The following BMP5 variants were observed in gnomAD, a reference collection of about 807,000 sequenced individuals.
BMP5 encodes the protein bone morphogenetic protein 5.
In BMP5, 23 loss-of-function variants were observed where a neutral mutation model predicts 46.6. The ratio of observed to expected loss-of-function variants is 0.49; its 90% CI spans 0.35 to 0.70. BMP5 has a LOEUF of 0.70. Ranked by LOEUF, BMP5 falls within the 30% of genes least tolerant of loss-of-function variation. BMP5 has a pLI of 0.00. For missense variants in BMP5, 545 were observed against 565.6 expected (o/e 0.96, Z 0.37); for synonymous variants, 204 against 191.9 (o/e 1.06, Z -0.52).
chr6:55,770,122 G>A (rs1299333944), intron 4 of BMP5, among the ~76,000 whole-genome samples: 1 of 151,856 alleles, frequency 6.6e-6, no homozygotes. Flanking sequence ...GAGTCAGATT[G>A]TCAGAAGATT....
At chr6:55,855,519 AT>A (rs1351764777) in intron 1 of BMP5, among the ~76,000 whole-genome samples, 69 of 152,184 alleles carry the variant, frequency 4.5e-4, no homozygotes, top group African/African-American at 1.6e-3. Flanking sequence ...TTCTATTTTT[AT>A]TAAGTTTACC....
chr6:55,797,227 A>T (rs1775737049), intron 2 of BMP5, among the ~76,000 whole-genome samples: 1 of 152,176 alleles, frequency 6.6e-6, no homozygotes, highest in Non-Finnish European at 1.5e-5. Context: ...ATTTATTTTG[A>T]AGTATAAAAT....
intron 1 of BMP5, among the ~76,000 whole-genome samples, chr6:55,854,989 T>C (rs988084355): frequency 6.6e-6 from 1 of 152,148 alleles, no homozygotes; most frequent in Non-Finnish European, 1.5e-5. Context: ...GACCAATTTA[T>C]GTAGCATTTG....
intron 3 of BMP5, among the ~76,000 whole-genome samples, chr6:55,791,118 A>C (rs559598339): frequency 6.6e-6 from 1 of 152,330 alleles, no homozygotes; most frequent in East Asian, 1.9e-4. Flanking sequence ...TATTACTGAA[A>C]ATAAAAGATG....
chr6:55,780,567 T>C (rs1775292474), intron 3 of BMP5, among the ~76,000 whole-genome samples: 3 of 151,502 alleles, frequency 2.0e-5, no homozygotes, highest in Non-Finnish European at 2.9e-5. Flanking sequence ...GATTTGGGTA[T>C]GTTAGGGATA....
chr6:55,846,442 G>T (rs921284547), intron 1 of BMP5, among the ~76,000 whole-genome samples: 2 of 151,904 alleles, frequency 1.3e-5, no homozygotes, highest in African/African-American at 4.8e-5. Flanking sequence ...TAGAAAAGAT[G>T]GCAACCTGAA....
chr6:55,874,608 A>G lies in BMP5; in HGVS notation c.258T>C (p.Asn86=), dbSNP rs1324688591. 6.2e-7 allele frequency: 1 copy of G among 1,613,594 alleles called. No homozygotes were observed. Among genetic ancestry groups the G allele is most frequent in the South Asian group, 1.1e-5 (1 of 91,070 alleles). Residue 86 remains asparagine, a synonymous_variant, in exon 1 of 7, where the codon AAT becomes AAC. Transcript: ENST00000370830. ...SAPLFMLDLY[N]AMTNEENPEE... is the part of the protein sequence containing the mutation. ...CAGGATTTTCTTCATTGGTCATGGC[A>G]TTGTAGAGATCCAGCATAAAGAGAG...
intron 4 of BMP5, among the ~76,000 whole-genome samples, chr6:55,766,116 T>A (rs1273406566): frequency 6.6e-6 from 1 of 152,134 alleles, no homozygotes; most frequent in Non-Finnish European, 1.5e-5. Flanking sequence ...CATTAGTTGA[T>A]CAATTTCACT....
At chr6:55,830,214 C>T (rs1209925258) in intron 1 of BMP5, among the ~76,000 whole-genome samples, 1 of 152,026 alleles carries the variant, frequency 6.6e-6, no homozygotes, top group Non-Finnish European at 1.5e-5. Flanking sequence ...TACTTCAGAA[C>T]ATATGTGTAT....
chr6:55,826,793 G>C (rs1380540480), intron 1 of BMP5, among the ~76,000 whole-genome samples: 1 of 151,564 alleles, frequency 6.6e-6, no homozygotes, highest in East Asian at 1.9e-4. Context: ...GATCCAACAA[G>C]GTGGAGCTTC....
intron 5 of BMP5, among the ~76,000 whole-genome samples, chr6:55,760,246 GT>G (rs1183775470): frequency 6.6e-6 from 1 of 151,816 alleles, no homozygotes; most frequent in Non-Finnish European, 1.5e-5. Flanking sequence ...ATTCAGCGTA[GT>G]TTTTTTGTTT....
At chr6:55,836,395 A>G (rs1776793330) in intron 1 of BMP5, among the ~76,000 whole-genome samples, 1 of 152,152 alleles carries the variant, frequency 6.6e-6, no homozygotes, top group South Asian at 2.1e-4. Context: ...TTTTAAAAGT[A>G]AAAACAAACC....
chr6:55,824,494 G>A (rs1776484084), intron 1 of BMP5, among the ~76,000 whole-genome samples: 1 of 151,860 alleles, frequency 6.6e-6, no homozygotes, highest in Non-Finnish European at 1.5e-5. Context: ...TGGTGAAAAA[G>A]CATCTCTTAA....
chr6:55,784,660 A>G (rs1424875709), intron 3 of BMP5, among the ~76,000 whole-genome samples: 1 of 151,856 alleles, frequency 6.6e-6, no homozygotes, highest in Non-Finnish European at 1.5e-5. Flanking sequence ...TTGATTTAGA[A>G]AATAAAAAAT....
At chr6:55,845,477 T>C (rs552154684) in intron 1 of BMP5, among the ~76,000 whole-genome samples, 1 of 152,144 alleles carries the variant, frequency 6.6e-6, no homozygotes, top group African/African-American at 2.4e-5. Flanking sequence ...ATTGTGTGAA[T>C]ATGTAACACT....
intron 2 of BMP5, among the ~76,000 whole-genome samples, chr6:55,804,892 A>T (rs1775951281): frequency 6.6e-6 from 1 of 152,166 alleles, no homozygotes; most frequent in Non-Finnish European, 1.5e-5. Flanking sequence ...TTGTATGTGG[A>T]AGATAGAACT....
chr6:55,855,116 T>C (rs1057372734), intron 1 of BMP5, among the ~76,000 whole-genome samples: 1 of 152,212 alleles, frequency 6.6e-6, no homozygotes, highest in Non-Finnish European at 1.5e-5. Flanking sequence ...TACCTATTTA[T>C]GTTTCTCATT....
chr6:55,851,110 G>A, intron 1 of BMP5, among the ~76,000 whole-genome samples: 1 of 136,408 alleles, frequency 7.3e-6, no homozygotes, highest in African/African-American at 2.7e-5. Context: ...TGGGTTTTTT[G>A]TTTTTGTTTT....
intron 2 of BMP5, among the ~76,000 whole-genome samples, chr6:55,803,676 A>G (rs1775911268): frequency 6.6e-6 from 1 of 152,166 alleles, no homozygotes; most frequent in Admixed American, 6.5e-5. Flanking sequence ...GCTTCTCCAA[A>G]TTCTGGCCCA....
Sources: allele counts gnomAD v4.1 joint callset (sites outside exome capture counted in the v4.1 genomes callset), GRCh38; gene constraint gnomAD v4.1.1; transcripts MANE v1.5; gene names NCBI Gene and HGNC (gene_info 2026-07-23, HGNC 2026-07-21).